The following WWOX variants were observed in gnomAD, a reference collection of about 807,000 sequenced individuals.
WWOX encodes the protein WW domain-containing oxidoreductase.
Under a neutral mutation model 46.2 loss-of-function variants are expected in WWOX, and 69 were observed. That is an observed-to-expected ratio of 1.49 (90% CI 1.23 to 1.82). The LOEUF (loss-of-function observed/expected upper bound fraction) is 1.82. Ranked by LOEUF, WWOX falls within the 40% of genes most tolerant of loss-of-function variation. The pLI, the probability that WWOX is intolerant of heterozygous loss-of-function variation, is 0.00. For missense variants in WWOX, 919 were observed against 542.6 expected, an observed-to-expected ratio of 1.69 and a Z score of -6.89; for synonymous variants, 359 against 202.6, an observed-to-expected ratio of 1.77 and a Z score of -6.56.
chr16:78,574,463 C>G (rs1394587968), intron 8 of WWOX, among the ~76,000 whole-genome samples: 1 of 151,962 alleles, frequency 6.6e-6, no homozygotes, highest in Non-Finnish European at 1.5e-5. Context: ...GACTGTAAGA[C>G]CTGAATCCTA....
chr16:78,378,786 A>G (rs957087235), intron 5 of WWOX, among the ~76,000 whole-genome samples: 1 of 152,250 alleles, frequency 6.6e-6, no homozygotes, highest in African/African-American at 2.4e-5. Flanking sequence ...CTCTGAGTGT[A>G]GATTATTGCC....
At chr16:78,505,098 T>A (rs367924651) in intron 8 of WWOX, among the ~76,000 whole-genome samples, 5 of 152,238 alleles carry the variant, frequency 3.3e-5, no homozygotes, top group Admixed American at 2.6e-4. Flanking sequence ...CGAAGCACAA[T>A]AGGGTTTAGA....
At chr16:78,590,979 C>G (rs1343243023) in intron 8 of WWOX, among the ~76,000 whole-genome samples, 1 of 152,090 alleles carries the variant, frequency 6.6e-6, no homozygotes, top group African/African-American at 2.4e-5. Flanking sequence ...GGTTGAGATG[C>G]TCTGGGGTAC....
chr16:78,575,048 T>A (rs1272126435), intron 8 of WWOX, among the ~76,000 whole-genome samples: 366 of 10,908 alleles, frequency 0.034, 4 homozygotes, highest in Non-Finnish European at 0.055. Context: ...TATATATATA[T>A]ATATATATAT....
chr16:78,354,494 C>A (rs1180965827), intron 5 of WWOX, among the ~76,000 whole-genome samples: 2 of 152,012 alleles, frequency 1.3e-5, no homozygotes, highest in East Asian at 1.9e-4. Context: ...GTATTGAAAA[C>A]TTGTATAAAC....
intron 8 of WWOX, among the ~76,000 whole-genome samples, chr16:78,716,376 G>C (rs555267301): frequency 1.3e-5 from 2 of 152,242 alleles, no homozygotes; most frequent in East Asian, 3.9e-4. Context: ...CTGCAAAAGA[G>C]TACATTGCTG....
chr16:78,293,980 A>AAAAAC (rs1415194671), intron 5 of WWOX, among the ~76,000 whole-genome samples: 2 of 132,248 alleles, frequency 1.5e-5, no homozygotes, highest in Non-Finnish European at 3.2e-5. Context: ...CTGTCTCAGA[A>AAAAAC]AAAAAAAAAA....
At chr16:78,579,537 G>A (rs1394260331) in intron 8 of WWOX, among the ~76,000 whole-genome samples, 1 of 152,118 alleles carries the variant, frequency 6.6e-6, no homozygotes, top group Admixed American at 6.5e-5. Context: ...AAGGATGCTA[G>A]GTGAGGTGCT....
chr16:78,940,272 C>T (rs545672691), intron 8 of WWOX, among the ~76,000 whole-genome samples: 7 of 152,060 alleles, frequency 4.6e-5, no homozygotes, highest in Non-Finnish European at 7.4e-5. Flanking sequence ...TATTAAATAA[C>T]CTCTGTGGTA....
chr16:78,772,709 ACAGAGGC>A (rs2050093762), intron 8 of WWOX, among the ~76,000 whole-genome samples: 1 of 152,194 alleles, frequency 6.6e-6, no homozygotes, highest in Non-Finnish European at 1.5e-5. Context: ...CAGGAGGGGA[ACAGAGGC>A]TCAAAGAACC....
At chr16:79,110,515 A>G in intron 8 of WWOX, among the ~76,000 whole-genome samples, 1 of 152,136 alleles carries the variant, frequency 6.6e-6, no homozygotes, top group East Asian at 1.9e-4. Flanking sequence ...CCCAATTCTG[A>G]CTAGTAAAGA....
intron 8 of WWOX, among the ~76,000 whole-genome samples, chr16:78,604,776 C>T (rs1462408166): frequency 6.5e-3 from 10 of 1,542 alleles, no homozygotes; most frequent in African/African-American, 9.4e-3. Flanking sequence ...CCCTCCTTCC[C>T]CCCTCCCTCC....
intron 8 of WWOX, among the ~76,000 whole-genome samples, chr16:78,772,838 G>C (rs1269550467): frequency 6.6e-6 from 1 of 152,082 alleles, no homozygotes; most frequent in African/African-American, 2.4e-5. Context: ...GGACAACATA[G>C]CGTGAACTTG....
chr16:78,175,643 A>C (rs1330012408), intron 5 of WWOX, among the ~76,000 whole-genome samples: 1 of 152,176 alleles, frequency 6.6e-6, no homozygotes, highest in Non-Finnish European at 1.5e-5. Context: ...CAGCCCAGTC[A>C]AGCCTTCAGA....
At chr16:78,404,230 G>T (rs2082474858) in intron 6 of WWOX, among the ~76,000 whole-genome samples, 1 of 152,136 alleles carries the variant, frequency 6.6e-6, no homozygotes, top group Non-Finnish European at 1.5e-5. Context: ...AGATAACTGT[G>T]ATCTTAGTGT....
intron 8 of WWOX, among the ~76,000 whole-genome samples, chr16:78,617,472 C>T (rs540219340): frequency 4.6e-5 from 7 of 151,562 alleles, no homozygotes; most frequent in Non-Finnish European, 7.4e-5. Context: ...TGAAATTGAT[C>T]GTTCATTCAC....
chr16:78,384,440 AATC>A (rs2082019005), intron 5 of WWOX, among the ~76,000 whole-genome samples: 1 of 152,132 alleles, frequency 6.6e-6, no homozygotes, highest in Non-Finnish European at 1.5e-5. Context: ...AAATATTTTT[AATC>A]ATCAGATAAA....
intron 8 of WWOX, among the ~76,000 whole-genome samples, chr16:78,760,900 G>A (rs1251060520): frequency 5.9e-5 from 9 of 152,274 alleles, no homozygotes; most frequent in South Asian, 2.1e-4. Context: ...GGGGAAAGGC[G>A]CATCTCACGT....
intron 1 of WWOX, among the ~76,000 whole-genome samples, chr16:78,105,669 C>T (rs1169924420): frequency 1.3e-5 from 2 of 152,138 alleles, no homozygotes; most frequent in African/African-American, 4.8e-5. Context: ...CATTTGTGCG[C>T]CTGCTGTGGG....
Sources: gnomAD v4.1 joint callset for allele counts (sites outside exome capture counted in the v4.1 genomes callset) on GRCh38, gnomAD v4.1.1 for gene constraint, MANE v1.5 for transcripts, NCBI Gene and HGNC (gene_info 2026-07-23, HGNC 2026-07-21) for gene names.